USP46: variants seen among roughly 807,000 people sequenced by gnomAD.
The protein encoded by USP46 is ubiquitin specific peptidase 46, also known as ubiquitin carboxyl-terminal hydrolase 46.
USP46 carries 12 observed loss-of-function variants against 44.4 expected under a neutral mutation model. The ratio of observed to expected loss-of-function variants is 0.27; its 90% confidence interval spans 0.17 to 0.44. The LOEUF (loss-of-function observed/expected upper bound fraction) is 0.44, where lower values mean the gene tolerates loss of function less well. USP46 is among the 20% of genes least tolerant of loss of function. The pLI is 1.00. For synonymous variants in USP46, 155 were observed against 161.5 expected, an observed-to-expected ratio of 0.96 and a Z score of 0.31; for missense variants, 248 against 444.8, an observed-to-expected ratio of 0.56 and a Z score of 3.98.
intron 1 of USP46, chr4:52,656,701 T>C (rs1298429104): frequency 2.3e-5 from 13 of 560,148 alleles, no homozygotes; most frequent in Admixed American, 5.9e-5. Flanking sequence ...ATAAGGAAAG[T>C]CTAAGACCGG....
At chr4:52,651,514 A>C (rs1718770505) in intron 1 of USP46, among the ~76,000 whole-genome samples, 1 of 152,224 alleles carries the variant, frequency 6.6e-6, no homozygotes, top group African/African-American at 2.4e-5. Flanking sequence ...TGAAAATTAA[A>C]ATGAAGTGTA....
chr4:52,592,806 T>A lies in USP46; in HGVS notation c.*4834A>T. ...GTGAGCTGAGATCTCATCACTGCAC[T>A]CCAGCCTGGGTGACAGTGAGACTCC... On this transcript the variant is annotated 3_prime_UTR_variant, in exon 9 of 9. Coordinates refer to ENST00000441222, the MANE Select transcript of USP46 (RefSeq NM_022832.4). 1 of 398,028 alleles carries A rather than the reference T, an allele frequency of 2.5e-6. No individual in the cohort carries two copies. The highest frequency in any genetic ancestry group is 4.4e-6 in the Non-Finnish European group (1 of 226,038). The allele number at this position is 398,028 out of a possible 1,614,324, so 24.7% of individuals were successfully genotyped here.
At chr4:52,640,807 A>C (rs1279232996) in intron 1 of USP46, among the ~76,000 whole-genome samples, 2 of 137,076 alleles carry the variant, frequency 1.5e-5, no homozygotes, top group Admixed American at 7.2e-5. Flanking sequence ...ACTCCATCTC[A>C]AAAAAAAAAA....
In USP46 at chr4:52,626,135, T is replaced by A; in HGVS notation, c.444A>T (p.Lys148Asn). The stretch of plus-strand genomic sequence containing the variant: ...GTTCGTTCATGTTGCCATTTTTTAA[T>A]TTTCCATTTTGTTTTTCCTGTTTCT... ...EEKKQEKQNG[K>N]LKNGNMNEPA... is the part of the protein sequence containing the mutation. Residue 148 changes from lysine to asparagine, a missense_variant, in exon 4 of 9, where the codon AAA becomes AAT. Transcript: ENST00000441222. The A allele has an allele frequency of 3.7e-6, 6 of 1,613,938 alleles. No individual in the cohort carries two copies. The highest frequency in any genetic ancestry group is 4.2e-6 in the Non-Finnish European group (5 of 1,179,866).
In USP46 at chr4:52,616,580, C is replaced by G. The variant is rs1435450868; in HGVS notation, c.562-5963G>C. Among the ~76,000 whole-genome samples the G allele has an allele frequency of 7.9e-5, 12 of 152,272 alleles. No individual in the cohort carries two copies. The East Asian group carries it at 1.7e-3, about 22-fold the overall frequency. ...TAGAGACAGGGTTTCACCATGTTGG[C>G]TAGGCTGGTCTCAAACTCCCAACCT... is the stretch of plus-strand genomic sequence containing the variant. On this transcript the variant is annotated intron_variant, in intron 4 of 8. Transcript: ENST00000441222.
intron 1 of USP46, among the ~76,000 whole-genome samples, chr4:52,634,400 T>C (rs1296245885): frequency 6.8e-6 from 1 of 146,166 alleles, no homozygotes; most frequent in African/African-American, 2.5e-5. Flanking sequence ...TCCCAGCTAC[T>C]CAGGAGGCTG....
intron 1 of USP46, among the ~76,000 whole-genome samples, chr4:52,646,817 T>C (rs973114995): frequency 5.9e-5 from 9 of 152,208 alleles, no homozygotes; most frequent in African/African-American, 2.2e-4. Flanking sequence ...AAATGCAAAC[T>C]ACAAATATAC....
intron 1 of USP46, among the ~76,000 whole-genome samples, chr4:52,648,092 T>C (rs1402606095): frequency 6.6e-6 from 1 of 152,228 alleles, no homozygotes; most frequent in Non-Finnish European, 1.5e-5. Context: ...AAGAAGCATG[T>C]CTTTACAAGG....
At chr4:52,598,450 C>T in intron 8 of USP46, 178 bp downstream of exon 8, 1 of 622,458 alleles carries the variant, frequency 1.6e-6, no homozygotes, top group East Asian at 2.9e-5. Flanking sequence ...TGATCACACC[C>T]CTTCTCCCTT....
At position 52,656,921 on chromosome 4, in the gene USP46, T is replaced by C. The variant is rs1024989076; in HGVS notation, c.36+2194A>G. 2.7e-5 allele frequency among the ~76,000 whole-genome samples: 4 copies of C among 150,432 alleles called. No individual in the cohort carries two copies. The Admixed American group carries it at 2.7e-4, about 10-fold the overall frequency. The stretch of plus-strand genomic sequence containing the variant: ...CAGGCATGGTGGCACGTGCCTGTAG[T>C]CCCAGCTACTCAGAAGGCAGAGGTG... On this transcript the variant is annotated intron_variant, in intron 1 of 8. Coordinates refer to ENST00000441222, the MANE Select transcript of USP46 (RefSeq NM_022832.4).
At chr4:52,613,619 G>A (rs984550859) in intron 4 of USP46, among the ~76,000 whole-genome samples, 2 of 151,908 alleles carry the variant, frequency 1.3e-5, no homozygotes, top group Non-Finnish European at 2.9e-5. Context: ...CTACTTGGGA[G>A]GCTGAGGCAG....
At chr4:52,642,760 G>T (rs4865395) in intron 1 of USP46, among the ~76,000 whole-genome samples, 27,366 of 152,006 alleles carry the variant, frequency 0.18, 3,040 homozygotes, top group African/African-American at 0.33. Context: ...TCTAGCCAAA[G>T]AATAAAAACA....
intron 1 of USP46, among the ~76,000 whole-genome samples, chr4:52,636,078 C>A (rs570421818): frequency 1.3e-3 from 202 of 152,268 alleles, no homozygotes; most frequent in African/African-American, 4.6e-3. Flanking sequence ...ATTTGCTAAC[C>A]CAGTGACCTT....
At chr4:52,639,563 C>A (rs1228529330) in intron 1 of USP46, among the ~76,000 whole-genome samples, 4 of 152,204 alleles carry the variant, frequency 2.6e-5, no homozygotes, top group Admixed American at 2.0e-4. Context: ...GGAAGCTGCA[C>A]ACATTACTTT....
At chr4:52,613,301 C>T (rs1018013215) in intron 4 of USP46, among the ~76,000 whole-genome samples, 2 of 152,198 alleles carry the variant, frequency 1.3e-5, no homozygotes, top group African/African-American at 4.8e-5. Context: ...CACAAAGCAA[C>T]CTGGCTATTA....
intron 1 of USP46, among the ~76,000 whole-genome samples, chr4:52,634,523 A>T (rs1420700879): frequency 6.6e-6 from 1 of 150,698 alleles, no homozygotes; most frequent in Non-Finnish European, 1.5e-5. Context: ...AAAAAAAAAA[A>T]AAAAAATTCT....
At chr4:52,632,981 A>AAAGAAAGAAAGAAAGG in intron 1 of USP46, among the ~76,000 whole-genome samples, 1 of 63,394 alleles carries the variant, frequency 1.6e-5, no homozygotes, top group Non-Finnish European at 3.1e-5. Context: ...AGAAAGAAAG[A>AAAGAAAGAAAGAAAGG]AAGAAAAGAA....
rs2109582454 is a variant in USP46 at position 52,592,594 on chromosome 4, T to C, written c.*5046A>G. 1 of 296,814 alleles carries C rather than the reference T, an allele frequency of 3.4e-6. No individual in the cohort carries two copies. The highest frequency in any genetic ancestry group is 6.2e-6 in the Non-Finnish European group (1 of 162,506). 18.4% of individuals were successfully genotyped at this position (296,814 alleles called of 1,614,324 possible). A position where few individuals can be genotyped will look rare whatever the true frequency, so the allele number is the denominator to read the frequency against. On this transcript the variant is annotated 3_prime_UTR_variant, in exon 9 of 9. Coordinates refer to ENST00000441222, the MANE Select transcript of USP46 (RefSeq NM_022832.4). ...CGAGCAAGGTGGCTCTTGCCTGTAA[T>C]CCCAGCACTTTGGGAGGCTGAGGCA...
intron 4 of USP46, among the ~76,000 whole-genome samples, chr4:52,616,143 C>A (rs1451258002): frequency 1.3e-5 from 2 of 152,160 alleles, no homozygotes; most frequent in African/African-American, 4.8e-5. Context: ...AATTTGGCTT[C>A]CAGGAGACAT....
Sources: gnomAD v4.1 joint callset for allele counts (sites outside exome capture counted in the v4.1 genomes callset) on GRCh38, gnomAD v4.1.1 for gene constraint, MANE v1.5 for transcripts, NCBI Gene and HGNC (gene_info 2026-07-23, HGNC 2026-07-21) for gene names.